UBP1: variants seen among roughly 807,000 people sequenced by gnomAD.
UBP1 encodes upstream binding protein 1.
In UBP1, 22 loss-of-function variants were observed where a neutral mutation model predicts 76.1. The observed-to-expected ratio is 0.29, with a 90% CI of 0.21 to 0.41. The LOEUF (loss-of-function observed/expected upper bound fraction) is 0.41. Ranked by LOEUF, UBP1 falls within the 10% of genes least tolerant of loss-of-function variation. The pLI is 1.00. For synonymous variants in UBP1, 224 were observed against 237.1 expected, an observed-to-expected ratio of 0.94 and a Z score of 0.51; for missense variants, 436 against 668.1, an observed-to-expected ratio of 0.65 and a Z score of 3.83.
rs536097297 is a variant in UBP1, at chr3:33,412,055, C to T, written c.449-368G>A. On this transcript the variant is annotated intron_variant, in intron 4 of 15. Coordinates refer to ENST00000283629, the MANE Select transcript of UBP1 (RefSeq NM_014517.5). ...TACAAAAATTAGCCAGACGCAGTGG[C>T]GCGTGCCTGTAGTCCCAGCTACTCA... Among the ~76,000 whole-genome samples, 80 of 152,048 alleles carry T rather than the reference C, an allele frequency of 5.3e-4. 1 individual carries two copies. Among genetic ancestry groups the T allele is most frequent in the Non-Finnish European group, 5.9e-5 (4 of 67,994 alleles).
chr3:33,414,272 AAAAG>A (rs1483503793), intron 3 of UBP1: 3 of 152,264 alleles, frequency 2.0e-5, no homozygotes, highest in South Asian at 2.1e-4. Context: ...AAGGGAAAGA[AAAAG>A]AAAGAGAGGG....
intron 1 of UBP1, among the ~76,000 whole-genome samples, chr3:33,436,301 G>GT (rs2045203865): frequency 6.6e-6 from 1 of 152,136 alleles, no homozygotes; most frequent in Admixed American, 6.5e-5. Flanking sequence ...AGAATACATT[G>GT]TATCATTAAC....
At chr3:33,407,916 C>T (rs1465779201) in intron 8 of UBP1, among the ~76,000 whole-genome samples, 1 of 152,170 alleles carries the variant, frequency 6.6e-6, no homozygotes. Flanking sequence ...GCAGGATCAT[C>T]GTTTGTGGAC....
chr3:33,433,770 G>A (rs1427230795), intron 1 of UBP1, among the ~76,000 whole-genome samples: 1 of 152,040 alleles, frequency 6.6e-6, no homozygotes, highest in African/African-American at 2.4e-5. Context: ...TCATGAAGCT[G>A]GGCACCATGT....
intron 11 of UBP1, 160 bp from the exon 12 acceptor site, chr3:33,397,295 C>T: frequency 4.0e-6 from 2 of 505,580 alleles, no homozygotes; most frequent in Non-Finnish European, 6.8e-6. Flanking sequence ...AGACACCTGT[C>T]CTTCAGAGCC....
At chr3:33,400,586 A>G (rs1289250260) in intron 10 of UBP1, among the ~76,000 whole-genome samples, 2 of 152,206 alleles carry the variant, frequency 1.3e-5, no homozygotes, top group African/African-American at 2.4e-5. Context: ...AGAAAGACTT[A>G]TATTCTCACT....
At chr3:33,419,969 T>G (rs2044844081) in intron 2 of UBP1, among the ~76,000 whole-genome samples, 1 of 152,230 alleles carries the variant, frequency 6.6e-6, no homozygotes, top group Non-Finnish European at 1.5e-5. Context: ...TGTTCCATTT[T>G]TGGCTCAGAA....
At chr3:33,439,625 G>T in intron 1 of UBP1, 111 bp downstream of exon 1, 1 of 1,207,552 alleles carries the variant, frequency 8.3e-7, no homozygotes. Flanking sequence ...CGACCCCGCA[G>T]CCCAGGAGGC....
At chr3:33,392,655 A>G in intron 14 of UBP1, 41 bp from the exon 15 acceptor site, 3 of 1,549,058 alleles carry the variant, frequency 1.9e-6, no homozygotes, top group Non-Finnish European at 2.6e-6. Flanking sequence ...ATTAAGATCC[A>G]ACTGTCGTTT....
At position 33,426,645 on chromosome 3, in the gene UBP1, G is replaced by T. The variant is rs758224539; in HGVS notation, c.114-904C>A. Among the ~76,000 whole-genome samples, 7 of 152,064 alleles carry T rather than the reference G, an allele frequency of 4.6e-5. No homozygotes were observed. In the South Asian group the frequency reaches 1.5e-3, roughly 32 times the overall value. On this transcript the variant is annotated intron_variant, in intron 1 of 15. Transcript: ENST00000283629. The stretch of plus-strand genomic sequence containing the variant: ...CACTGATTTGTTTTCTATCTCTACG[G>T]ATTTGCTATTTGGGACATTTAAATG...
At chr3:33,425,030 G>A (rs2154059153) in intron 2 of UBP1, among the ~76,000 whole-genome samples, 1 of 151,694 alleles carries the variant, frequency 6.6e-6, no homozygotes, top group Non-Finnish European at 1.5e-5. Context: ...GGGCGATAGA[G>A]CAAAACTCAG....
chr3:33,417,301 C>T (rs1410722665), intron 2 of UBP1, among the ~76,000 whole-genome samples: 1 of 151,454 alleles, frequency 6.6e-6, no homozygotes, highest in African/African-American at 2.4e-5. Context: ...CCACCCCCCA[C>T]CTGGCCAACT....
At chr3:33,413,808 A>G (rs918742703) in intron 3 of UBP1, among the ~76,000 whole-genome samples, 1 of 152,106 alleles carries the variant, frequency 6.6e-6, no homozygotes, top group Non-Finnish European at 1.5e-5. Flanking sequence ...TGTCCAAGCA[A>G]TTACCCAGCA....
At chr3:33,428,255 A>G (rs1437137011) in intron 1 of UBP1, among the ~76,000 whole-genome samples, 2 of 151,506 alleles carry the variant, frequency 1.3e-5, no homozygotes, top group Non-Finnish European at 2.9e-5. Context: ...AATTGGCTCC[A>G]GGGAAGATAA....
At chr3:33,403,784 G>A (rs1376319684) in intron 8 of UBP1, 1 of 152,094 alleles carries the variant, frequency 6.6e-6, no homozygotes, top group Non-Finnish European at 1.5e-5. Context: ...TCAAATACAA[G>A]TCTTCAGACT....
In UBP1 at chr3:33,416,754, T is replaced by C. The variant is rs747614203; in HGVS notation, c.342+4A>G. On this transcript the variant is annotated splice_donor_region_variant and intron_variant, in intron 3 of 15. Transcript: ENST00000283629. ...CATTGGGAATTAAAATGGACTGTCC[T>C]TACCTTTACTAATTTTCCATTGATC... The C allele has an allele frequency of 6.2e-7, 1 of 1,611,150 alleles. No individual in the cohort carries two copies. The highest frequency in any genetic ancestry group is 1.1e-5 in the South Asian group (1 of 90,960).
rs1023970740 is a variant in UBP1, at chr3:33,392,740, G to A, written c.1534-126C>T. On this transcript the variant is annotated intron_variant, in intron 14 of 15. Coordinates refer to ENST00000283629, the MANE Select transcript of UBP1 (RefSeq NM_014517.5). The stretch of plus-strand genomic sequence containing the variant: ...CTCAATGGCCAAAACGATAATTCAT[G>A]AAGGCAGTGTGAGGCAGCAAAGATG... 1.4e-5 allele frequency: 12 copies of A among 858,172 alleles called. No individual in the cohort carries two copies. In the African/African-American group the frequency reaches 1.9e-4, roughly 13 times the overall value. The allele number at this position is 858,172 out of a possible 1,614,324, so 53.2% of individuals were successfully genotyped here.
At position 33,408,752 on chromosome 3, in the gene UBP1, T is replaced by G; in HGVS notation, c.865A>C (p.Lys289Gln). The stretch of plus-strand genomic sequence containing the variant: ...GGCAAAGTCCGCTTGCTGGACTTTT[T>G]CTGCTCATGTTCAACTGCATCTTCA... ...IIEDAVEHEQ[K>Q]KSSKRTLPAD... The change falls in exon 8 of 16, where the codon AAA becomes CAA. Residue 289 changes from lysine (K) to glutamine (Q), a missense_variant. Lys to Gln is a moderately conservative substitution (Grantham distance 53, BLOSUM62 1). This residue lies in a region of UBP1 where 65 missense variants were observed against 157.4 expected (regional missense o/e 0.41). Transcript: ENST00000283629. 6.2e-7 allele frequency: 1 copy of G among 1,614,064 alleles called. No individual in the cohort carries two copies. Among genetic ancestry groups the G allele is most frequent in the Non-Finnish European group, 8.5e-7 (1 of 1,179,950 alleles).
chr3:33,430,493 C>A (rs1365235527), intron 1 of UBP1, among the ~76,000 whole-genome samples: 1 of 152,050 alleles, frequency 6.6e-6, no homozygotes, highest in Non-Finnish European at 1.5e-5. Context: ...AATAACCAGG[C>A]ATAAAAGGAC....
Sources: allele counts gnomAD v4.1 joint callset (sites outside exome capture counted in the v4.1 genomes callset), GRCh38; gene constraint gnomAD v4.1.1; regional missense constraint gnomAD v4.1.1; transcripts MANE v1.5; gene names NCBI Gene and HGNC (gene_info 2026-07-23, HGNC 2026-07-21).